The following MSRA variants were observed in gnomAD, a reference collection of about 807,000 sequenced individuals.
MSRA encodes methionine sulfoxide reductase A, also known as mitochondrial peptide methionine sulfoxide reductase.
A neutral mutation model predicts 31.3 loss-of-function variants in MSRA; 54 were observed. The observed-to-expected ratio is 1.73, with a 90% confidence interval of 1.39 to 2.17. MSRA has a LOEUF of 2.17. MSRA is among the 30% of genes most tolerant of loss of function. The pLI is 0.00. For missense variants in MSRA, 507 were observed against 300.9 expected (o/e 1.69, Z -5.07); for synonymous variants, 169 against 116.5 (o/e 1.45, Z -2.90).
At chr8:10,407,714 A>G (rs1807904699) in intron 5 of MSRA, among the ~76,000 whole-genome samples, 1 of 152,122 alleles carries the variant, frequency 6.6e-6, no homozygotes, top group Admixed American at 6.5e-5. Flanking sequence ...GATCCCAGGA[A>G]ATGGTGGGGC....
intron 5 of MSRA, among the ~76,000 whole-genome samples, chr8:10,340,977 C>G (rs1803392112): frequency 6.6e-6 from 1 of 152,166 alleles, no homozygotes; most frequent in Admixed American, 6.5e-5. Context: ...GAAACAGCCT[C>G]CAACATGAAG....
chr8:10,400,857 C>T (rs1807417017), intron 5 of MSRA, among the ~76,000 whole-genome samples: 1 of 152,154 alleles, frequency 6.6e-6, no homozygotes, highest in Non-Finnish European at 1.5e-5. Flanking sequence ...TACCTCACAC[C>T]ATACACAACA....
intron 1 of MSRA, chr8:10,095,916 A>T: frequency 1.5e-6 from 2 of 1,337,810 alleles, no homozygotes; most frequent in Non-Finnish European, 1.9e-6. Context: ...CAGGATTAAT[A>T]TAGAAGATGG....
Position 10,090,495 on chromosome 8 carries a change from G to A in MSRA, c.142+35837G>A, listed in dbSNP as rs191200956. 3.5e-4 allele frequency among the ~76,000 whole-genome samples: 54 copies of A among 152,344 alleles called. No individual in the cohort carries two copies. The East Asian group carries it at 8.7e-3, about 24-fold the overall frequency. On this transcript the variant is annotated intron_variant, in intron 1 of 5. Coordinates refer to ENST00000317173, the MANE Select transcript of MSRA (RefSeq NM_012331.5). ...GAGTTTATCTTGGGTTGTAACAGCC[G>A]TAAATACTGGAGAGATGGACTGCAA...
At chr8:10,277,345 C>G (rs188528313) in intron 3 of MSRA, among the ~76,000 whole-genome samples, 3 of 152,190 alleles carry the variant, frequency 2.0e-5, no homozygotes, top group African/African-American at 7.2e-5. Flanking sequence ...GTCAGTAACC[C>G]TGGAGCTACT....
In MSRA at chr8:10,159,460, A is replaced by C. The variant is rs534362842; in HGVS notation, c.143-48373A>C. ...TGAGGTTGGAGAGTGAGAGGAAACT[A>C]GGATATTTGAGCTTACCTCTTACTT... On this transcript the variant is annotated intron_variant, in intron 1 of 5. Coordinates refer to ENST00000317173, the MANE Select transcript of MSRA (RefSeq NM_012331.5). Among the ~76,000 whole-genome samples the C allele has an allele frequency of 1.8e-3, 269 of 152,364 alleles. 17 individuals are homozygous for C. The highest frequency in any genetic ancestry group is 1.0e-3 in the Non-Finnish European group (71 of 68,038).
rs189623520 is a variant in MSRA at position 10,105,048 on chromosome 8, T to C, written c.142+50390T>C. ...TGATTACTTAGTGAGATTGAACATC[T>C]TTTAATATTGGTAATTTAGATTTCC... On this transcript the variant is annotated intron_variant, in intron 1 of 5. Coordinates refer to ENST00000317173, the MANE Select transcript of MSRA (RefSeq NM_012331.5). 4.6e-5 allele frequency among the ~76,000 whole-genome samples: 7 copies of C among 152,374 alleles called. No individual in the cohort carries two copies. The East Asian group carries it at 1.3e-3, about 29-fold the overall frequency.
chr8:10,098,961 G>A (rs1351376322), intron 1 of MSRA, among the ~76,000 whole-genome samples: 1 of 152,194 alleles, frequency 6.6e-6, no homozygotes, highest in Non-Finnish European at 1.5e-5. Context: ...TCTGTTGTGA[G>A]ACAAAGGAGG....
intron 2 of MSRA, among the ~76,000 whole-genome samples, chr8:10,241,274 G>A (rs200363995): frequency 2.6e-5 from 4 of 152,234 alleles, no homozygotes; most frequent in South Asian, 4.1e-4. Context: ...TGTGCAAGGT[G>A]AGTCTGGGAC....
intron 1 of MSRA, among the ~76,000 whole-genome samples, chr8:10,185,214 C>T (rs1339675035): frequency 6.6e-6 from 1 of 152,178 alleles, no homozygotes. Context: ...GGACAGCTGT[C>T]TGCAAGGGGC....
intron 1 of MSRA, among the ~76,000 whole-genome samples, chr8:10,124,720 A>C (rs1198547918): frequency 6.6e-6 from 1 of 152,242 alleles, no homozygotes; most frequent in African/African-American, 2.4e-5. Flanking sequence ...TTTTGCAAGA[A>C]ATCTATTATT....
intron 4 of MSRA, among the ~76,000 whole-genome samples, chr8:10,315,142 G>A (rs1219969183): frequency 1.3e-5 from 2 of 152,132 alleles, no homozygotes; most frequent in Non-Finnish European, 2.9e-5. Context: ...AGAACAGCAT[G>A]GGAAAGACCT....
At chr8:10,358,190 A>T (rs1210755795) in intron 5 of MSRA, among the ~76,000 whole-genome samples, 1 of 152,154 alleles carries the variant, frequency 6.6e-6, no homozygotes, top group Non-Finnish European at 1.5e-5. Context: ...TGGCCTCCCA[A>T]AGTGCTGGGA....
chr8:10,322,762 G>T (rs1802119811), intron 5 of MSRA, among the ~76,000 whole-genome samples: 2 of 152,136 alleles, frequency 1.3e-5, no homozygotes, highest in African/African-American at 4.8e-5. Flanking sequence ...TGAAACCCCA[G>T]TTGCTGATAA....
At chr8:10,129,191 T>C (rs999635229) in intron 1 of MSRA, among the ~76,000 whole-genome samples, 1 of 152,182 alleles carries the variant, frequency 6.6e-6, no homozygotes, top group African/African-American at 2.4e-5. Flanking sequence ...ATGAGTTTGC[T>C]GTAGGTTCTT....
At chr8:10,224,756 G>T (rs1810846132) in intron 2 of MSRA, among the ~76,000 whole-genome samples, 2 of 152,194 alleles carry the variant, frequency 1.3e-5, no homozygotes, top group Non-Finnish European at 2.9e-5. Context: ...CTTTGCTGGG[G>T]AAATCTTGGT....
At chr8:10,332,742 C>T (rs931263440) in intron 5 of MSRA, among the ~76,000 whole-genome samples, 2 of 152,156 alleles carry the variant, frequency 1.3e-5, no homozygotes, top group East Asian at 1.9e-4. Flanking sequence ...ATTGCCCTTT[C>T]TTGCACTGTA....
chr8:10,257,114 T>C (rs770973639), intron 3 of MSRA, among the ~76,000 whole-genome samples: 1 of 152,188 alleles, frequency 6.6e-6, no homozygotes, highest in Admixed American at 6.5e-5. Context: ...GCAGGGTTAG[T>C]GCTCGTAGAC....
chr8:10,223,641 C>T (rs560273953), intron 2 of MSRA, among the ~76,000 whole-genome samples: 1 of 152,108 alleles, frequency 6.6e-6, no homozygotes, highest in African/African-American at 2.4e-5. Flanking sequence ...AATGTATGTG[C>T]AATTGGAGTG....
Sources: gnomAD v4.1 joint callset for allele counts (sites outside exome capture counted in the v4.1 genomes callset) on GRCh38, gnomAD v4.1.1 for gene constraint, MANE v1.5 for transcripts, NCBI Gene and HGNC (gene_info 2026-07-23, HGNC 2026-07-21) for gene names.